Variants in ZFHX3 observed in about 807,000 individuals in gnomAD.
The protein encoded by ZFHX3 is zinc finger homeobox protein 3.
ZFHX3 carries 42 observed loss-of-function variants against 279.1 expected under a neutral mutation model. The observed-to-expected ratio is 0.15, with a 90% CI of 0.12 to 0.19. ZFHX3 has a LOEUF of 0.19. ZFHX3 is among the 10% of genes least tolerant of loss of function. ZFHX3 has a pLI of 1.00. For synonymous variants in ZFHX3, 2,293 were observed against 1,957.8 expected, an observed-to-expected ratio of 1.17 and a Z score of -4.52; for missense variants, 4,981 against 4,754.0, an observed-to-expected ratio of 1.05 and a Z score of -1.40.
In ZFHX3 at chr16:72,786,628, A is replaced by ATGAT. The variant is rs1488509438; in HGVS notation, c.*532_*535dup. ...TGAAAAAACAATAATATATAAAACA[A>ATGAT]TGATTCTGAAAACAAAGTGTGAGCG... On this transcript the variant is annotated 3_prime_UTR_variant, in exon 10 of 10. Transcript: ENST00000268489. 1 of 152,126 alleles carries ATGAT rather than the reference A, an allele frequency of 6.6e-6. No individual in the cohort carries two copies. The highest frequency in any genetic ancestry group is 2.4e-5 in the African/African-American group (1 of 41,386). The allele number at this position is 152,126 out of a possible 1,614,324, so 9.4% of individuals were successfully genotyped here. A position where few individuals can be genotyped will look rare whatever the true frequency, so the allele number is the denominator to read the frequency against.
intron 1 of ZFHX3, among the ~76,000 whole-genome samples, chr16:73,044,834 T>C (rs1261427060): frequency 6.6e-6 from 1 of 152,166 alleles, no homozygotes; most frequent in East Asian, 1.9e-4. Flanking sequence ...TTGATCAGGC[T>C]GGTCTCGAAC....
chr16:72,791,637 A>G (rs1471393403), intron 9 of ZFHX3: 1 of 151,990 alleles, frequency 6.6e-6, no homozygotes, highest in African/African-American at 2.4e-5. Context: ...TTTTTTTCAC[A>G]TTACTATGAT....
intron 7 of ZFHX3, among the ~76,000 whole-genome samples, chr16:73,113,813 T>TTTTTA (rs57149538): frequency 6.7e-6 from 1 of 149,946 alleles, no homozygotes; most frequent in African/African-American, 2.5e-5. Context: ...TTTTTTTTTT[T>TTTTTA]AGACAGAGTC....
intron 2 of ZFHX3, among the ~76,000 whole-genome samples, chr16:73,606,107 G>A (rs550518778): frequency 6.9e-5 from 10 of 145,152 alleles, no homozygotes; most frequent in Admixed American, 2.1e-4. Flanking sequence ...GCGTGAACCC[G>A]GGAGGTGGAG....
chr16:72,800,262 A>C, intron 7 of ZFHX3, 133 bp from the exon 8 acceptor site: 10 of 679,686 alleles, frequency 1.5e-5, no homozygotes, highest in East Asian at 2.7e-5. Flanking sequence ...TTCATAGCTC[A>C]CTGAAGATTC....
chr16:73,669,179 A>G (rs1011556966), intron 2 of ZFHX3, among the ~76,000 whole-genome samples: 2 of 151,804 alleles, frequency 1.3e-5, no homozygotes, highest in Non-Finnish European at 2.9e-5. Flanking sequence ...TCAGCCTTGC[A>G]TGTAGCTGGG....
At chr16:72,903,805 C>CTGATATAAGGGATCAGCAGCGGTA (rs1199294468) in intron 3 of ZFHX3, among the ~76,000 whole-genome samples, 1 of 152,124 alleles carries the variant, frequency 6.6e-6, no homozygotes, top group Non-Finnish European at 1.5e-5. Flanking sequence ...GATCAGCAGA[C>CTGATATAAGGGATCAGCAGCGGTA]TAAGAGAAAA....
rs1011967325 is a variant in ZFHX3, at chr16:73,127,263, T to C, written c.-897+3705A>G. On this transcript the variant is annotated intron_variant, in intron 7 of 17. Transcript: ENST00000641206. ...ATCGATCAGAGCTAAAGGCTGCCGA[T>C]AGGAATGTGGAGGAAACTGACAGGC... 2.6e-6 allele frequency: 3 copies of C among 1,138,940 alleles called. No individual in the cohort carries two copies. The African/African-American group carries it at 4.9e-5, about 18-fold the overall frequency. 70.6% of individuals were successfully genotyped at this position (1,138,940 alleles called of 1,614,324 possible). A position where few individuals can be genotyped will look rare whatever the true frequency, so the allele number is the denominator to read the frequency against.
At chr16:73,817,607 G>A (rs1395953733) in intron 1 of ZFHX3, among the ~76,000 whole-genome samples, 1 of 152,144 alleles carries the variant, frequency 6.6e-6, no homozygotes, top group Non-Finnish European at 1.5e-5. Context: ...AATAGCTTTA[G>A]GAACATCTAC....
chr16:73,178,327 T>C (rs1967712736), intron 5 of ZFHX3, among the ~76,000 whole-genome samples: 1 of 151,986 alleles, frequency 6.6e-6, no homozygotes, highest in Non-Finnish European at 1.5e-5. Context: ...TTAGTAGAGA[T>C]GGGGTTTGAC....
intron 4 of ZFHX3, among the ~76,000 whole-genome samples, chr16:73,278,891 A>G (rs2014382949): frequency 6.6e-6 from 1 of 152,198 alleles, no homozygotes; most frequent in Non-Finnish European, 1.5e-5. Flanking sequence ...CTTGTAAGAC[A>G]GAAAAGTTCT....
intron 2 of ZFHX3, among the ~76,000 whole-genome samples, chr16:73,602,516 T>C (rs993700914): frequency 2.0e-5 from 3 of 152,120 alleles, no homozygotes; most frequent in Non-Finnish European, 2.9e-5. Flanking sequence ...ATATGCCACA[T>C]CCCCAAAAAG....
chr16:73,741,912 T>C (rs968539837), intron 1 of ZFHX3, among the ~76,000 whole-genome samples: 1 of 152,214 alleles, frequency 6.6e-6, no homozygotes, highest in African/African-American at 2.4e-5. Context: ...TAAGTCTTTC[T>C]AGCAACAAAG....
chr16:73,085,514 G>A (rs1021191850), intron 8 of ZFHX3, among the ~76,000 whole-genome samples: 1 of 152,150 alleles, frequency 6.6e-6, no homozygotes, highest in Admixed American at 6.6e-5. Flanking sequence ...CCAAAGTGCT[G>A]AGATTACAGG....
rs536766078 is a variant in ZFHX3 at position 73,867,003 on chromosome 16, G to A, written c.-1608+24648C>T. Among the ~76,000 whole-genome samples the A allele has an allele frequency of 3.3e-5, 5 of 152,116 alleles. No individual in the cohort carries two copies. The South Asian group carries it at 6.2e-4, about 19-fold the overall frequency. On this transcript the variant is annotated intron_variant, in intron 1 of 17. Coordinates refer to the ZFHX3 transcript ENST00000641206. ...GGGCATTCAATTTCTGGCATCTCAC[G>A]TCGTCTTGTGCTTGGGCTGGGCTAT...
At chr16:73,019,725 C>T (rs1006120597) in intron 1 of ZFHX3, among the ~76,000 whole-genome samples, 1 of 152,174 alleles carries the variant, frequency 6.6e-6, no homozygotes, top group African/African-American at 2.4e-5. Context: ...TCCTAGAGAG[C>T]CTTCTCCGCT....
chr16:73,331,451 A>G (rs191753673), intron 3 of ZFHX3, among the ~76,000 whole-genome samples: 11 of 152,352 alleles, frequency 7.2e-5, no homozygotes, highest in African/African-American at 2.4e-4. Flanking sequence ...GACAAGAGCC[A>G]TGCTTTGAGT....
intron 2 of ZFHX3, among the ~76,000 whole-genome samples, chr16:73,647,005 G>A (rs2052623939): frequency 7.0e-6 from 1 of 143,836 alleles, no homozygotes; most frequent in Admixed American, 7.4e-5. Flanking sequence ...AGTACTCGTT[G>A]TGCCAACCTT....
At chr16:73,324,084 C>G (rs1388962013) in intron 3 of ZFHX3, among the ~76,000 whole-genome samples, 1 of 152,178 alleles carries the variant, frequency 6.6e-6, no homozygotes, top group Non-Finnish European at 1.5e-5. Flanking sequence ...GAGTAGCTGA[C>G]AAGAGCCTTT....
Sources: allele counts gnomAD v4.1 joint callset (sites outside exome capture counted in the v4.1 genomes callset), GRCh38; gene constraint gnomAD v4.1.1; transcripts MANE v1.5; gene names NCBI Gene and HGNC (gene_info 2026-07-23, HGNC 2026-07-21).